The following NF1 variants were observed in gnomAD, a reference collection of about 807,000 sequenced individuals.
NF1 encodes the protein neurofibromin 1, also known as neurofibromin.
In NF1, 122 loss-of-function variants were observed where a neutral mutation model predicts 325.7. The ratio of observed to expected loss-of-function variants is 0.37; its 90% CI spans 0.32 to 0.44. The LOEUF (loss-of-function observed/expected upper bound fraction) is 0.44, where lower values mean the gene tolerates loss of function less well. Ranked by LOEUF, NF1 falls within the 20% of genes least tolerant of loss-of-function variation. The pLI, the probability that NF1 is intolerant of heterozygous loss-of-function variation, is 1.00. For missense variants in NF1, 2,140 were observed against 3,415.4 expected, an observed-to-expected ratio of 0.63 and a Z score of 9.31; for synonymous variants, 1,091 against 1,186.0, an observed-to-expected ratio of 0.92 and a Z score of 1.65.
intron 5 of NF1, among the ~76,000 whole-genome samples, chr17:31,172,181 G>T (rs1056968317): frequency 1.3e-5 from 2 of 152,108 alleles, no homozygotes; most frequent in Admixed American, 6.6e-5. Flanking sequence ...AAAAAAATTA[G>T]CTGGGTGTGC....
rs2143144621 is a variant in NF1, at chr17:31,095,323, G to A, written c.14G>A (p.Arg5Lys). The A allele has an allele frequency of 6.5e-7, 1 of 1,538,624 alleles. No individual in the cohort carries two copies. The highest frequency in any genetic ancestry group is 1.4e-5 in the African/African-American group (1 of 73,046). The change falls in exon 1 of 58, where the codon AGG becomes AAG. Residue 5 changes from arginine (R) to lysine (K), a missense_variant. By Grantham distance (26) the Arg-to-Lys change is conservative. Coordinates refer to ENST00000358273, the MANE Select transcript of NF1 (RefSeq NM_001042492.3). The part of the protein sequence containing the change: MAAH[R>K]PVEWVQAVVS... ...CGCGGGGAGGACATGGCCGCGCACA[G>A]GCCGGTGGAATGGGTCCAGGCCGTG...
intron 1 of NF1, chr17:31,133,689 C>T (rs957217593): frequency 2.0e-5 from 3 of 152,086 alleles, no homozygotes; most frequent in Non-Finnish European, 2.9e-5. Context: ...CAGAGTCTCA[C>T]TCTGTTGCCC....
At chr17:31,155,862 AT>A in intron 1 of NF1, 120 bp from the exon 2 acceptor site, 2 of 1,108,074 alleles carry the variant, frequency 1.8e-6, no homozygotes, top group Non-Finnish European at 2.6e-6. Flanking sequence ...AGATGCAAGT[AT>A]AGGTATCTGT....
chr17:31,169,379 T>C (rs2065896359), intron 4 of NF1, among the ~76,000 whole-genome samples: 1 of 152,234 alleles, frequency 6.6e-6, no homozygotes, highest in Non-Finnish European at 1.5e-5. Context: ...CTACGTTTAC[T>C]GAATTATCAT....
intron 33 of NF1, among the ~76,000 whole-genome samples, chr17:31,259,516 T>A (rs1359546699): frequency 6.6e-6 from 1 of 152,198 alleles, no homozygotes; most frequent in African/African-American, 2.4e-5. Context: ...GTATTTGTGA[T>A]ACTTAAATTT....
intron 29 of NF1, among the ~76,000 whole-genome samples, chr17:31,242,527 TCAAG>T (rs1014664442): frequency 3.9e-5 from 6 of 152,130 alleles, no homozygotes; most frequent in Non-Finnish European, 8.8e-5. Flanking sequence ...TAGGCTGCCT[TCAAG>T]CTTGCTAATT....
chr17:31,265,465 A>T (rs190024426), intron 36 of NF1, 126 bp downstream of exon 36: 1 of 704,328 alleles, frequency 1.4e-6, no homozygotes. Context: ...ACTTGGGAGC[A>T]TATAGCAGGG....
At chr17:31,224,640 T>C (rs1265848446) in intron 16 of NF1, among the ~76,000 whole-genome samples, 1 of 152,142 alleles carries the variant, frequency 6.6e-6, no homozygotes, top group African/African-American at 2.4e-5. Context: ...GTAGGCATAG[T>C]CACTCTTGTG....
At chr17:31,335,335 T>C (rs2069637736) in intron 40 of NF1, among the ~76,000 whole-genome samples, 1 of 123,892 alleles carries the variant, frequency 8.1e-6, no homozygotes, top group South Asian at 2.5e-4. Context: ...AACTAGATTT[T>C]ATATATATAT....
intron 36 of NF1, chr17:31,314,083 A>G (rs754266992): frequency 1.3e-5 from 5 of 397,912 alleles, no homozygotes; most frequent in Admixed American, 4.4e-5. Context: ...CAGATTTAAA[A>G]TGTTCCTCTA....
intron 40 of NF1, among the ~76,000 whole-genome samples, chr17:31,335,556 G>A (rs1362970213): frequency 6.6e-6 from 1 of 151,612 alleles, no homozygotes; most frequent in Non-Finnish European, 1.5e-5. Context: ...TTTCTTCAAA[G>A]TAATCATTTA....
At chr17:31,159,336 G>A (rs1031306283) in intron 3 of NF1, among the ~76,000 whole-genome samples, 5 of 152,246 alleles carry the variant, frequency 3.3e-5, no homozygotes, top group African/African-American at 7.2e-5. Flanking sequence ...TTTCAGCCAC[G>A]TATCTGTCTC....
intron 30 of NF1, chr17:31,250,187 C>T: frequency 3.1e-6 from 1 of 323,868 alleles, no homozygotes; most frequent in Middle Eastern, 1.0e-3. Flanking sequence ...GACTTTTCTG[C>T]CTTTACAAAA....
chr17:31,294,878 G>A, intron 36 of NF1: 25 of 1,185,378 alleles, frequency 2.1e-5, no homozygotes, highest in Non-Finnish European at 3.0e-5. Flanking sequence ...ATTTACATCA[G>A]AGTTAGAAAT....
intron 1 of NF1, chr17:31,133,422 A>C (rs1240613908): frequency 1.3e-5 from 2 of 152,180 alleles, no homozygotes; most frequent in Non-Finnish European, 2.9e-5. Flanking sequence ...TGGTTATTGT[A>C]AATAATGCTG....
intron 31 of NF1, among the ~76,000 whole-genome samples, chr17:31,256,753 A>T (rs1199570802): frequency 6.6e-6 from 1 of 152,196 alleles, no homozygotes; most frequent in African/African-American, 2.4e-5. Context: ...AGCCATTCTA[A>T]TAAAGCAGCT....
chr17:31,146,446 T>C (rs1296715144), intron 1 of NF1, among the ~76,000 whole-genome samples: 1 of 151,502 alleles, frequency 6.6e-6, no homozygotes, highest in African/African-American at 2.4e-5. Flanking sequence ...CATCCATCCA[T>C]CCATCCATCC....
At chr17:31,128,804 C>T (rs1023573506) in intron 1 of NF1, among the ~76,000 whole-genome samples, 1 of 152,020 alleles carries the variant, frequency 6.6e-6, no homozygotes, top group Non-Finnish European at 1.5e-5. Context: ...CGCCTGTAGT[C>T]CCAGCTACTC....
intron 1 of NF1, among the ~76,000 whole-genome samples, chr17:31,140,834 G>A (rs1229973889): frequency 1.3e-5 from 2 of 152,206 alleles, no homozygotes; most frequent in African/African-American, 2.4e-5. Flanking sequence ...TATGCTAAGT[G>A]AAATAGACCA....
Sources: gnomAD v4.1 joint callset for allele counts (sites outside exome capture counted in the v4.1 genomes callset) on GRCh38, gnomAD v4.1.1 for gene constraint, MANE v1.5 for transcripts, NCBI Gene and HGNC (gene_info 2026-07-23, HGNC 2026-07-21) for gene names.